Variants in NARF observed in about 807,000 individuals in gnomAD.
The protein encoded by NARF is iron-only hydrogenase-like protein 2.
A neutral mutation model predicts 48.0 loss-of-function variants in NARF; 41 were observed. That is an observed-to-expected ratio of 0.85 (90% CI 0.66 to 1.11). The LOEUF is 1.11. Among genes scored for constraint, NARF ranks in the 50% least tolerant of loss-of-function variants. The probability of loss-of-function intolerance (pLI) is 0.00; values close to 1 mark genes in which losing one functional copy is unlikely to be tolerated. For missense variants in NARF, 613 were observed against 590.2 expected (o/e 1.04, Z -0.40); for synonymous variants, 215 against 225.5 (o/e 0.95, Z 0.42).
intron 1 of NARF, chr17:82,459,078 G>A (rs1313721602): frequency 2.5e-6 from 3 of 1,197,838 alleles, no homozygotes; most frequent in Admixed American, 8.9e-5. Context: ...GCGAAGCGCG[G>A]AAACGCACGG....
intron 2 of NARF, chr17:82,463,983 T>C (rs569810748): frequency 1.8e-4 from 51 of 288,332 alleles, no homozygotes; most frequent in Non-Finnish European, 2.6e-4. Flanking sequence ...TGGGGTGAGC[T>C]TCCAGAACAC....
intron 3 of NARF, among the ~76,000 whole-genome samples, chr17:82,466,045 A>G (rs2043558731): frequency 6.6e-6 from 1 of 152,166 alleles, no homozygotes; most frequent in Non-Finnish European, 1.5e-5. Context: ...CGCCATGCAT[A>G]CCCGTCCCCA....
rs1481171246 is a variant in NARF, at chr17:82,472,606, G to A, written c.428G>A (p.Ser143Asn). Residue 143 changes from serine to asparagine, a missense_variant, in exon 5 of 11, where the codon AGT (serine) becomes AAT (asparagine). Ser to Asn is a conservative substitution (Grantham distance 46). Coordinates refer to ENST00000309794, the MANE Select transcript of NARF (RefSeq NM_012336.4). ...GATACGACGATAGCTGCGGATTTTA[G>A]TATCCTGGAGAGTCAAAAAGAATTC... ...VFDTTIAADF[S>N]ILESQKEFVR... 1 of 1,613,406 alleles carries A rather than the reference G, an allele frequency of 6.2e-7. No homozygotes were observed. Among genetic ancestry groups the A allele is most frequent in the African/African-American group, 1.3e-5 (1 of 74,838 alleles).
In NARF at chr17:82,481,208, T is replaced by G; in HGVS notation, c.766T>G (p.Ser256Ala). 1 of 1,613,914 alleles carries G rather than the reference T, an allele frequency of 6.2e-7. No homozygotes were observed. The highest frequency in any genetic ancestry group is 8.5e-7 in the Non-Finnish European group (1 of 1,179,988). The change falls in exon 7 of 11, where the codon TCA becomes GCA. Residue 256 changes from serine to alanine, a missense_variant. Coordinates refer to ENST00000309794, the MANE Select transcript of NARF (RefSeq NM_012336.4). ...GSRGADCVLTSGEIAQIMEQG... is the reference protein window; with the variant it reads ...GSRGADCVLTAGEIAQIMEQG... ...CCGGGGCGCTGACTGCGTGTTAACA[T>G]CAGGTGAGAGGTGGGCGGGGGTGCA...
chr17:82,466,448 C>T (rs1181776197), intron 3 of NARF, among the ~76,000 whole-genome samples: 2 of 152,036 alleles, frequency 1.3e-5, no homozygotes, highest in Admixed American at 6.6e-5. Context: ...TGAATACATT[C>T]TTCTTCCTTT....
chr17:82,465,190 C>G (rs187257265), intron 3 of NARF, among the ~76,000 whole-genome samples: 36 of 152,292 alleles, frequency 2.4e-4, no homozygotes, highest in African/African-American at 7.9e-4. Flanking sequence ...TGAGGACTCA[C>G]TCACTATCAT....
intron 10 of NARF, among the ~76,000 whole-genome samples, chr17:82,487,536 C>G (rs1292474480): frequency 6.6e-6 from 1 of 152,044 alleles, no homozygotes; most frequent in African/African-American, 2.4e-5. Context: ...AGTCTGGGAT[C>G]AGTGTCCCTG....
At chr17:82,462,672 G>A (rs1386504990) in intron 2 of NARF, 1 of 152,386 alleles carries the variant, frequency 6.6e-6, no homozygotes, top group African/African-American at 2.4e-5. Flanking sequence ...GCTGAGTGAG[G>A]CCAGCAGGCC....
In NARF at chr17:82,488,284, C is replaced by T; in HGVS notation, c.*127C>T. 1 of 1,402,858 alleles carries T rather than the reference C, an allele frequency of 7.1e-7. No homozygotes were observed. Among genetic ancestry groups the T allele is most frequent in the Non-Finnish European group, 9.4e-7 (1 of 1,062,382 alleles). 86.9% of individuals were successfully genotyped at this position (1,402,858 alleles called of 1,614,324 possible). On this transcript the variant is annotated 3_prime_UTR_variant, in exon 11 of 11. Coordinates refer to ENST00000309794, the MANE Select transcript of NARF (RefSeq NM_012336.4). Reference sequence around the variant, plus strand: ...ACCGCTCAATGGATTACTTTGGTTTCTCCGAGTTCCCTGCTACCCCGTTTA... The same window carrying T: ...ACCGCTCAATGGATTACTTTGGTTTTTCCGAGTTCCCTGCTACCCCGTTTA...
chr17:82,479,462 G>A (rs746070466), intron 6 of NARF, among the ~76,000 whole-genome samples: 20 of 152,144 alleles, frequency 1.3e-4, no homozygotes, highest in Admixed American at 2.0e-4. Flanking sequence ...AGGCTCCTGC[G>A]TGCCCCCTGC....
chr17:82,479,693 A>T (rs184009711), intron 6 of NARF, among the ~76,000 whole-genome samples: 106 of 152,346 alleles, frequency 7.0e-4, no homozygotes, highest in African/African-American at 2.5e-3. Context: ...AGAGGGTAAC[A>T]TCAGGATCTT....
Position 82,459,987 on chromosome 17 carries a change from T to A in NARF, c.28-5T>A. The A allele has an allele frequency of 6.2e-7, 1 of 1,612,036 alleles. No homozygotes were observed. Among genetic ancestry groups the A allele is most frequent in the South Asian group, 1.1e-5 (1 of 90,808 alleles). On this transcript the variant is annotated splice_region_variant and splice_polypyrimidine_tract_variant and intron_variant, in intron 1 of 10. Coordinates refer to ENST00000309794, the MANE Select transcript of NARF (RefSeq NM_012336.4). ...TCATTGATAATGTTCCTTTGCTTTT[T>A]TAAGGAATGTAGTAAGAAAACAAAA... is the stretch of plus-strand genomic sequence containing the variant.
chr17:82,468,862 A>G lies in NARF; in HGVS notation c.351A>G (p.Ala117=). 1 of 1,614,160 alleles carries G rather than the reference A, an allele frequency of 6.2e-7. No individual in the cohort carries two copies. The highest frequency in any genetic ancestry group is 8.5e-7 in the Non-Finnish European group (1 of 1,180,026). The change falls in exon 4 of 11, where the codon GCA becomes GCG. Residue 117 remains alanine, a synonymous_variant. Transcript: ENST00000309794. The part of the protein sequence containing the change: ...AAKFNLSVTD[A]SRRLCGFLKS... ...AATTCAACCTCAGTGTAACTGATGCATCCAGAAGACTCTGTGGTTTCCTCA... is the reference window on the plus strand; with the variant it reads ...AATTCAACCTCAGTGTAACTGATGCGTCCAGAAGACTCTGTGGTTTCCTCA...
intron 8 of NARF, chr17:82,484,421 A>T (rs2044047136): frequency 6.0e-6 from 1 of 167,768 alleles, no homozygotes; most frequent in South Asian, 1.7e-4. Context: ...TAATCACAGT[A>T]CTTTGGGAGG....
intron 4 of NARF, among the ~76,000 whole-genome samples, chr17:82,470,258 C>T (rs1360483043): frequency 6.6e-6 from 1 of 152,080 alleles, no homozygotes; most frequent in Non-Finnish European, 1.5e-5. Flanking sequence ...AGCTGAAACC[C>T]AGCTACAGCG....
chr17:82,465,320 GAA>G (rs979669381), intron 3 of NARF, among the ~76,000 whole-genome samples: 4 of 152,192 alleles, frequency 2.6e-5, no homozygotes, highest in Admixed American at 6.5e-5. Flanking sequence ...AGGTGAAAGA[GAA>G]AGAGACAAAG....
At chr17:82,487,788 C>CCAAATG in intron 10 of NARF, 128 bp from the exon 11 acceptor site, 1 of 759,778 alleles carries the variant, frequency 1.3e-6, no homozygotes, top group Non-Finnish European at 2.1e-6. Flanking sequence ...CCCTCCCGCC[C>CCAAATG]AATCTCTACA....
At chr17:82,467,093 C>T (rs1036449826) in intron 3 of NARF, among the ~76,000 whole-genome samples, 1 of 152,048 alleles carries the variant, frequency 6.6e-6, no homozygotes, top group East Asian at 1.9e-4. Flanking sequence ...GTCGCCCAGG[C>T]TTGAGTGCAG....
intron 6 of NARF, among the ~76,000 whole-genome samples, chr17:82,479,569 TA>T (rs1011246228): frequency 2.0e-5 from 3 of 152,168 alleles, no homozygotes; most frequent in Non-Finnish European, 4.4e-5. Context: ...AAAGGGACCC[TA>T]ATCCCATGGT....
Sources: allele counts gnomAD v4.1 joint callset (sites outside exome capture counted in the v4.1 genomes callset), GRCh38; gene constraint gnomAD v4.1.1; transcripts MANE v1.5; gene names NCBI Gene and HGNC (gene_info 2026-07-23, HGNC 2026-07-21).